Variants in ZSCAN31 observed in about 807,000 individuals in gnomAD.
ZSCAN31 encodes the protein zinc finger and SCAN domain-containing protein 31.
In ZSCAN31, 14 loss-of-function variants were observed where a neutral mutation model predicts 22.5. The ratio of observed to expected loss-of-function variants is 0.62; its 90% CI spans 0.41 to 0.97. The LOEUF is 0.97. Among genes scored for constraint, ZSCAN31 ranks in the 50% least tolerant of loss-of-function variants. ZSCAN31 has a pLI of 0.00. For synonymous variants in ZSCAN31, 168 were observed against 169.8 expected (o/e 0.99, Z 0.08); for missense variants, 424 against 483.4 (o/e 0.88, Z 1.15).
In ZSCAN31 at chr6:28,333,289, A is replaced by G. The variant is rs1763900076; in HGVS notation, c.-96+2793T>C. Reference sequence around the variant, plus strand: ...GACAAGGAGAGACTCATTACTAGTAACTAACCTATTTATTTGCTCATTTAG... The same window carrying G: ...GACAAGGAGAGACTCATTACTAGTAGCTAACCTATTTATTTGCTCATTTAG... On this transcript the variant is annotated intron_variant, in intron 1 of 3. Transcript: ENST00000344279. This position sits in a 1 kb window ranked among gnomAD's most constrained non-coding sequence, Gnocchi z 4.1. Among the ~76,000 whole-genome samples the G allele has an allele frequency of 6.6e-6, 1 of 152,202 alleles. No individual in the cohort carries two copies. The highest frequency in any genetic ancestry group is 1.5e-5 in the Non-Finnish European group (1 of 68,030).
upstream of ZSCAN31, among the ~76,000 whole-genome samples, chr6:28,340,501 A>G (rs1764369653): frequency 6.6e-6 from 1 of 152,198 alleles, no homozygotes; most frequent in African/African-American, 2.4e-5. Context: ...TCCTGCTGCC[A>G]TGTGAAGAAG....
chr6:28,355,387 A>G (rs1765358693), upstream of ZSCAN31: 1 of 152,178 alleles, frequency 6.6e-6, no homozygotes, highest in Admixed American at 6.5e-5. Context: ...TCACGAGTCT[A>G]AAGGGCAGCA....
chr6:28,326,537 C>T lies in ZSCAN31; in HGVS notation c.850G>A (p.Glu284Lys). The change falls in exon 4 of 4, where the codon GAA (glutamate) becomes AAA (lysine). Residue 284 changes from glutamate to lysine, a missense_variant. Coordinates refer to ENST00000344279, the MANE Select transcript of ZSCAN31 (RefSeq NM_030899.5). ...TCTCCAGTGTGGCTCCGCCGATGTT[C>T]ATTCAGGCTTGACCTCCGGCTGAAG... ...KAFSRRSSLN[E>K]HRRSHTGEKP... The T allele has an allele frequency of 1.9e-6, 3 of 1,614,186 alleles. No homozygotes were observed. Among genetic ancestry groups the T allele is most frequent in the Non-Finnish European group, 2.5e-6 (3 of 1,180,034 alleles).
upstream of ZSCAN31, chr6:28,355,929 T>C (rs929769632): frequency 1.3e-5 from 2 of 152,266 alleles, no homozygotes; most frequent in East Asian, 3.9e-4. Flanking sequence ...TGCCAAGCCG[T>C]GCAAAACATC....
intron 1 of ZSCAN31, among the ~76,000 whole-genome samples, chr6:28,334,380 T>C (rs771780333): frequency 6.8e-6 from 1 of 146,268 alleles, no homozygotes; most frequent in Non-Finnish European, 1.5e-5. Flanking sequence ...GAATTTGATG[T>C]GTCCCCACTG....
chr6:28,334,186 C>A (rs1025485529), intron 1 of ZSCAN31, among the ~76,000 whole-genome samples: 1 of 151,938 alleles, frequency 6.6e-6, no homozygotes, highest in African/African-American at 2.4e-5. Context: ...AGTTACAATA[C>A]AATAAAATAA....
upstream of ZSCAN31, among the ~76,000 whole-genome samples, chr6:28,354,636 T>C (rs904185378): frequency 1.4e-4 from 21 of 152,252 alleles, no homozygotes; most frequent in African/African-American, 4.8e-4. Context: ...GGAGCAATAA[T>C]TTCAGGTTAT....
upstream of ZSCAN31, among the ~76,000 whole-genome samples, chr6:28,340,030 G>A (rs988789385): frequency 6.6e-6 from 1 of 151,992 alleles, no homozygotes; most frequent in African/African-American, 2.4e-5. Flanking sequence ...GGCATTTGAA[G>A]AAACATGCAA....
intron 1 of ZSCAN31, among the ~76,000 whole-genome samples, chr6:28,330,696 C>A (rs1423878085): frequency 6.6e-6 from 1 of 151,980 alleles, no homozygotes; most frequent in Non-Finnish European, 1.5e-5. Context: ...AAAGCCTGGG[C>A]AATATGTGTA....
At position 28,342,438 on chromosome 6, in the gene ZSCAN31, A is replaced by T. The variant is rs73742540; in HGVS notation, c.-370-646T>A. The stretch of plus-strand genomic sequence containing the variant: ...ACACCTGGACACTACGTTAGTTCCT[A>T]GGGTTACATCACAGCAAAATCTGGC... On this transcript the variant is annotated intron_variant, in intron 2 of 7. Transcript: ENST00000396838. Among the ~76,000 whole-genome samples the T allele has an allele frequency of 8.0e-3, 1,216 of 152,254 alleles. 20 individuals carry two copies. Among genetic ancestry groups the T allele is most frequent in the African/African-American group, 0.026 (1,095 of 41,544 alleles).
intron 2 of ZSCAN31, among the ~76,000 whole-genome samples, chr6:28,342,559 A>G (rs1764455855): frequency 6.6e-6 from 1 of 152,228 alleles, no homozygotes; most frequent in African/African-American, 2.4e-5. Flanking sequence ...CTAGGAACAC[A>G]CATATAGAAT....
At chr6:28,328,303 G>A (rs533260137) in intron 2 of ZSCAN31, among the ~76,000 whole-genome samples, 1 of 152,250 alleles carries the variant, frequency 6.6e-6, no homozygotes, top group East Asian at 1.9e-4. Flanking sequence ...AATAAGCCTG[G>A]GAGTGCTATG....
chr6:28,326,461 C>T lies in ZSCAN31; in HGVS notation c.926G>A (p.Gly309Asp), dbSNP rs1460119486. The stretch of plus-strand genomic sequence containing the variant: ...GTGGATTCTTCTGTGTCGAGTGAGG[C>T]CATTGCTGGCACTGAAGGCTTTCCC... ...ECGKAFSASNGLTRHRRIHTG... is the reference protein window; with the variant it reads ...ECGKAFSASNDLTRHRRIHTG... The change falls in exon 4 of 4, where the codon GGC becomes GAC. Residue 309 changes from glycine to aspartate, a missense_variant. Transcript: ENST00000344279. 1 of 1,613,876 alleles carries T rather than the reference C, an allele frequency of 6.2e-7. No homozygotes were observed. Among genetic ancestry groups the T allele is most frequent in the Admixed American group, 1.7e-5 (1 of 59,990 alleles).
intron 2 of ZSCAN31, among the ~76,000 whole-genome samples, chr6:28,346,751 A>G (rs1764664643): frequency 6.6e-6 from 1 of 152,156 alleles, no homozygotes; most frequent in South Asian, 2.1e-4. Flanking sequence ...CTACAAGGTA[A>G]ACTACCTAAA....
chr6:28,348,222 A>C (rs1457242166), intron 2 of ZSCAN31, among the ~76,000 whole-genome samples: 1 of 152,126 alleles, frequency 6.6e-6, no homozygotes, highest in Non-Finnish European at 1.5e-5. Context: ...TTTAATTTTT[A>C]ATGAGGTCAA....
In ZSCAN31 at chr6:28,331,469, T is replaced by C. The variant is rs947850515; in HGVS notation, c.-95-1691A>G. ...AATAAAGGAACGGTCCCTAACTTTA[T>C]GGTATTTACCATGGGAAAGACAGAC... On this transcript the variant is annotated intron_variant, in intron 1 of 3. Transcript: ENST00000344279. The surrounding 1 kb of genome is among the most constrained non-coding windows in gnomAD (Gnocchi z 4.8). Among the ~76,000 whole-genome samples, 1 of 152,226 alleles carries C rather than the reference T, an allele frequency of 6.6e-6. No individual in the cohort carries two copies. The highest frequency in any genetic ancestry group is 2.4e-5 in the African/African-American group (1 of 41,464).
intron 2 of ZSCAN31, among the ~76,000 whole-genome samples, chr6:28,346,952 T>C (rs1349658312): frequency 2.6e-5 from 4 of 152,340 alleles, no homozygotes; most frequent in South Asian, 4.1e-4. Flanking sequence ...TTTCTTACTA[T>C]ACCAAACGAA....
chr6:28,339,480 G>T (rs1313910148), upstream of ZSCAN31, among the ~76,000 whole-genome samples: 3 of 151,886 alleles, frequency 2.0e-5, 1 homozygote, highest in Admixed American at 2.0e-4. Context: ...TAGAGACGGG[G>T]TTTCGCCGTG....
upstream of ZSCAN31, among the ~76,000 whole-genome samples, chr6:28,339,892 A>C (rs1244758252): frequency 6.6e-6 from 1 of 150,416 alleles, no homozygotes; most frequent in Non-Finnish European, 1.5e-5. Flanking sequence ...CCATGTAAAC[A>C]CATTGCTAGG....
Sources: gnomAD v4.1 joint callset for allele counts (sites outside exome capture counted in the v4.1 genomes callset) on GRCh38, gnomAD v4.1.1 for gene constraint, Gnocchi (gnomAD v3.1) non-coding constraint, MANE v1.5 for transcripts, NCBI Gene and HGNC (gene_info 2026-07-23, HGNC 2026-07-21) for gene names.